Variants in CCDC6 observed in about 807,000 individuals in gnomAD.
The protein encoded by CCDC6 is coiled-coil domain containing 6.
Under a neutral mutation model 56.6 loss-of-function variants are expected in CCDC6, and 20 were observed. The ratio of observed to expected loss-of-function variants is 0.35; its 90% CI spans 0.25 to 0.51. The LOEUF is 0.51. Ranked by LOEUF, CCDC6 falls within the 20% of genes least tolerant of loss-of-function variation. CCDC6 has a pLI of 0.95. For missense variants in CCDC6, 367 were observed against 601.1 expected, an observed-to-expected ratio of 0.61 and a Z score of 4.07; for synonymous variants, 241 against 234.4, an observed-to-expected ratio of 1.03 and a Z score of -0.26.
intron 1 of CCDC6, among the ~76,000 whole-genome samples, chr10:59,871,522 T>C (rs1309138202): frequency 6.7e-6 from 1 of 148,846 alleles, no homozygotes; most frequent in Admixed American, 6.7e-5. Flanking sequence ...CCCAGACCCT[T>C]GCCCTGACAA....
chr10:59,898,864 T>C (rs149043315), intron 1 of CCDC6, among the ~76,000 whole-genome samples: 83 of 152,282 alleles, frequency 5.5e-4, no homozygotes, highest in Middle Eastern at 6.8e-3. Context: ...CAAATGAGTA[T>C]TGTAATGAAC....
chr10:59,864,724 A>AG (rs1290174311), intron 1 of CCDC6, among the ~76,000 whole-genome samples: 15 of 152,170 alleles, frequency 9.9e-5, no homozygotes, highest in African/African-American at 3.6e-4. Context: ...GGCCGCATTC[A>AG]GGGGGAGGTT....
At chr10:59,873,113 C>T (rs1415701343) in intron 1 of CCDC6, among the ~76,000 whole-genome samples, 1 of 152,152 alleles carries the variant, frequency 6.6e-6, no homozygotes, top group Non-Finnish European at 1.5e-5. Context: ...TCTGGCGGTG[C>T]TACAGTATAC....
chr10:59,837,354 A>C (rs918111839), intron 2 of CCDC6, among the ~76,000 whole-genome samples: 1 of 152,214 alleles, frequency 6.6e-6, no homozygotes, highest in African/African-American at 2.4e-5. Context: ...GTAAAATGTC[A>C]ATGTGCAGGT....
intron 5 of CCDC6, among the ~76,000 whole-genome samples, chr10:59,807,345 C>T (rs1359923766): frequency 6.6e-6 from 1 of 151,968 alleles, no homozygotes; most frequent in Non-Finnish European, 1.5e-5. Context: ...ATTAGCTGGG[C>T]GTGGTGGCAG....
At chr10:59,885,660 C>T (rs929298112) in intron 1 of CCDC6, among the ~76,000 whole-genome samples, 7 of 152,130 alleles carry the variant, frequency 4.6e-5, no homozygotes, top group African/African-American at 1.4e-4. Flanking sequence ...GCAGTTCTGT[C>T]GCTTTCAGGA....
At chr10:59,832,851 G>A (rs1450972949) in intron 2 of CCDC6, among the ~76,000 whole-genome samples, 198 bp from the exon 3 acceptor site, 1 of 152,194 alleles carries the variant, frequency 6.6e-6, no homozygotes, top group African/African-American at 2.4e-5. Context: ...CATAGGGAAT[G>A]GAAATGCAAT....
chr10:59,869,180 C>A (rs1354488818), intron 1 of CCDC6, among the ~76,000 whole-genome samples: 30 of 151,538 alleles, frequency 2.0e-4, no homozygotes, highest in Admixed American at 2.0e-3. Context: ...AACTATAGCC[C>A]AAAGTCTTCC....
intron 2 of CCDC6, among the ~76,000 whole-genome samples, chr10:59,840,838 C>A (rs1356894013): frequency 6.6e-6 from 1 of 152,142 alleles, no homozygotes; most frequent in Non-Finnish European, 1.5e-5. Flanking sequence ...ACCCAGAATC[C>A]AAAGTTTACC....
At chr10:59,826,411 C>T (rs1462493489) in intron 3 of CCDC6, among the ~76,000 whole-genome samples, 1 of 152,156 alleles carries the variant, frequency 6.6e-6, no homozygotes, top group Non-Finnish European at 1.5e-5. Context: ...ACCAGTGGGT[C>T]TTTTCTCCTG....
At chr10:59,851,005 G>T (rs1463363588) in intron 2 of CCDC6, among the ~76,000 whole-genome samples, 1 of 151,382 alleles carries the variant, frequency 6.6e-6, no homozygotes, top group African/African-American at 2.4e-5. Context: ...TGAACGAGAG[G>T]CCAATTACAG....
rs112790162 is a variant in CCDC6 at position 59,840,496 on chromosome 10, T to G, written c.454-7843A>C. Reference sequence around the variant, plus strand: ...TCTGGTCCTCTCCTCTGGGCACACCTCCTGAGTAACAGCATTAATTTCCAT... The same window carrying G: ...TCTGGTCCTCTCCTCTGGGCACACCGCCTGAGTAACAGCATTAATTTCCAT... On this transcript the variant is annotated intron_variant, in intron 2 of 8. Coordinates refer to ENST00000263102, the MANE Select transcript of CCDC6 (RefSeq NM_005436.5). Among the ~76,000 whole-genome samples the G allele has an allele frequency of 3.0e-3, 456 of 152,320 alleles. 3 individuals are homozygous for G. The highest frequency in any genetic ancestry group is 0.011 in the African/African-American group (438 of 41,564).
intron 3 of CCDC6, among the ~76,000 whole-genome samples, chr10:59,818,272 C>T (rs1333518361): frequency 2.0e-5 from 3 of 152,062 alleles, no homozygotes; most frequent in Non-Finnish European, 4.4e-5. Flanking sequence ...ACGTGAATCT[C>T]GGCTCCTTCC....
chr10:59,841,575 C>T (rs2070939207), intron 2 of CCDC6, among the ~76,000 whole-genome samples: 1 of 152,194 alleles, frequency 6.6e-6, no homozygotes, highest in Admixed American at 6.5e-5. Context: ...TCCTTTCAAT[C>T]CTTACATCTT....
chr10:59,848,324 C>T (rs1589049138), intron 2 of CCDC6, among the ~76,000 whole-genome samples: 1 of 152,106 alleles, frequency 6.6e-6, no homozygotes, highest in South Asian at 2.1e-4. Context: ...GTGATGTTTT[C>T]GTGACCAGAA....
intron 1 of CCDC6, among the ~76,000 whole-genome samples, chr10:59,870,165 C>A (rs1315026308): frequency 1.3e-5 from 2 of 152,162 alleles, no homozygotes; most frequent in African/African-American, 4.8e-5. Flanking sequence ...GACTTCAGAA[C>A]CTACAATTGT....
In CCDC6 at chr10:59,867,672, G is replaced by A. The variant is rs974433938; in HGVS notation, c.304-14970C>T. ...GGGCTTGAGTAATTTTCCCACCTCC[G>A]CCTCCGGAGTAGCTGGGACTACAGG... On this transcript the variant is annotated intron_variant, in intron 1 of 8. Coordinates refer to ENST00000263102, the MANE Select transcript of CCDC6 (RefSeq NM_005436.5). 5.3e-5 allele frequency among the ~76,000 whole-genome samples: 8 copies of A among 152,186 alleles called. No individual in the cohort carries two copies. The East Asian group carries it at 1.2e-3, about 22-fold the overall frequency.
intron 3 of CCDC6, among the ~76,000 whole-genome samples, chr10:59,829,718 C>A (rs947326741): frequency 6.6e-6 from 1 of 152,096 alleles, no homozygotes; most frequent in South Asian, 2.1e-4. Context: ...AATACACAGA[C>A]AGAAAGTAGA....
chr10:59,847,929 G>A (rs2071007090), intron 2 of CCDC6, among the ~76,000 whole-genome samples: 3 of 150,334 alleles, frequency 2.0e-5, no homozygotes, highest in Non-Finnish European at 2.9e-5. Context: ...TTCCCCCACT[G>A]GGGCCACTGT....
Sources: allele counts gnomAD v4.1 joint callset (sites outside exome capture counted in the v4.1 genomes callset), GRCh38; gene constraint gnomAD v4.1.1; transcripts MANE v1.5; gene names NCBI Gene and HGNC (gene_info 2026-07-23, HGNC 2026-07-21).